Variants in MCM8 observed in about 807,000 individuals in gnomAD.
MCM8 encodes minichromosome maintenance 8 homologous recombination repair factor, also known as DNA helicase MCM8.
A neutral mutation model predicts 98.9 loss-of-function variants in MCM8; 85 were observed. The ratio of observed to expected loss-of-function variants is 0.86; its 90% CI spans 0.72 to 1.03. The LOEUF (loss-of-function observed/expected upper bound fraction) is 1.03. MCM8 is among the 50% of genes least tolerant of loss of function. The pLI is 0.00. For synonymous variants in MCM8, 352 were observed against 338.6 expected, an observed-to-expected ratio of 1.04 and a Z score of -0.44; for missense variants, 951 against 997.8, an observed-to-expected ratio of 0.95 and a Z score of 0.63.
chr20:5,983,664 C>T (rs964864338), intron 14 of MCM8, among the ~76,000 whole-genome samples: 1 of 152,066 alleles, frequency 6.6e-6, no homozygotes, highest in South Asian at 2.1e-4. Flanking sequence ...TGTGCCACCA[C>T]ACTCCAGCCT....
chr20:5,988,381 G>C (rs1420148658), intron 17 of MCM8, among the ~76,000 whole-genome samples: 1 of 151,998 alleles, frequency 6.6e-6, no homozygotes, highest in Non-Finnish European at 1.5e-5. Context: ...AGATTTGCTT[G>C]AACCTGGGAG....
At chr20:5,963,476 T>C (rs1354252117) in intron 8 of MCM8, 117 bp downstream of exon 8, 6 of 641,198 alleles carry the variant, frequency 9.4e-6, no homozygotes, top group Non-Finnish European at 1.6e-5. Flanking sequence ...TGTATAATAG[T>C]GTATAATAGA....
At chr20:5,987,408 C>T in intron 17 of MCM8, 50 bp downstream of exon 17, 1 of 1,490,894 alleles carries the variant, frequency 6.7e-7, no homozygotes, top group African/African-American at 1.4e-5. Context: ...GTTATCTTCC[C>T]ATCTCAAATT....
At chr20:5,976,861 A>G (rs1474524572) in intron 12 of MCM8, among the ~76,000 whole-genome samples, 2 of 152,184 alleles carry the variant, frequency 1.3e-5, no homozygotes, top group Non-Finnish European at 2.9e-5. Context: ...ACAAGGTGGG[A>G]TGATCACTTG....
chr20:5,982,955 C>T lies in MCM8; in HGVS notation c.1538-15C>T, dbSNP rs997943189. The T allele has an allele frequency of 5.0e-6, 8 of 1,596,616 alleles. No individual in the cohort carries two copies. The highest frequency in any genetic ancestry group is 6.8e-6 in the Non-Finnish European group (8 of 1,174,446). ...GAAAAAATGTTTTTTCTGCTTTATT[C>T]TACTTCGATTGTAGGTATTTGTGGA... On this transcript the variant is annotated splice_polypyrimidine_tract_variant and intron_variant, in intron 13 of 18. Coordinates refer to ENST00000610722, the MANE Select transcript of MCM8 (RefSeq NM_032485.6).
chr20:5,983,591 T>C (rs904768542), intron 14 of MCM8, among the ~76,000 whole-genome samples: 1 of 152,070 alleles, frequency 6.6e-6, no homozygotes, highest in Non-Finnish European at 1.5e-5. Flanking sequence ...TCTCAGCTAC[T>C]TGGGAGGCTG....
intron 5 of MCM8, among the ~76,000 whole-genome samples, chr20:5,955,791 T>C (rs1220788431): frequency 1.3e-5 from 2 of 152,180 alleles, no homozygotes; most frequent in Non-Finnish European, 2.9e-5. Flanking sequence ...TTTTTATTTA[T>C]TTTTTTGAGA....
chr20:5,958,807 C>T, intron 7 of MCM8, 81 bp downstream of exon 7: 1 of 1,245,534 alleles, frequency 8.0e-7, no homozygotes, highest in Non-Finnish European at 1.1e-6. Flanking sequence ...CCCAGTGTTT[C>T]TGAACACAGA....
At position 5,983,858 on chromosome 20, in the gene MCM8, C is replaced by T. The variant is rs149626739; in HGVS notation, c.1733+693C>T. The stretch of plus-strand genomic sequence containing the variant: ...CAGAAATAGTCATACAAGTGCACAA[C>T]GATAGGTTTATAGCATGGGTATTGC... On this transcript the variant is annotated intron_variant, in intron 14 of 18. Coordinates refer to ENST00000610722, the MANE Select transcript of MCM8 (RefSeq NM_032485.6). Among the ~76,000 whole-genome samples the T allele has an allele frequency of 3.5e-3, 531 of 152,282 alleles. 6 individuals carry two copies. The highest frequency in any genetic ancestry group is 0.012 in the African/African-American group (497 of 41,546).
At chr20:5,979,894 A>G (rs754356416) in intron 13 of MCM8, among the ~76,000 whole-genome samples, 1 of 152,160 alleles carries the variant, frequency 6.6e-6, no homozygotes, top group Non-Finnish European at 1.5e-5. Context: ...GCCCAGGGCC[A>G]TTCATGTTCT....
At chr20:5,958,873 G>A (rs1600247310) in intron 7 of MCM8, 147 bp downstream of exon 7, 1 of 751,912 alleles carries the variant, frequency 1.3e-6, no homozygotes, top group African/African-American at 1.8e-5. Flanking sequence ...AAATACTTCA[G>A]GGTAAGAAAA....
chr20:5,964,850 AAAAG>A (rs1473566472), intron 8 of MCM8, among the ~76,000 whole-genome samples: 1 of 152,224 alleles, frequency 6.6e-6, no homozygotes, highest in African/African-American at 2.4e-5. Context: ...ATTAAGTAAA[AAAAG>A]CTTTAATAAC....
chr20:5,995,045 CAT>C lies in MCM8; in HGVS notation c.*656_*657del, dbSNP rs1310653933. ...CTGCCTTTTATATGTATGAATATTT[CAT>C]AGTTTTGCATATCAGATGTAGGCAT... On this transcript the variant is annotated 3_prime_UTR_variant, in exon 19 of 19. Coordinates refer to ENST00000610722, the MANE Select transcript of MCM8 (RefSeq NM_032485.6). The C allele has an allele frequency of 1.2e-5, 2 of 163,858 alleles. No homozygotes were observed. The highest frequency in any genetic ancestry group is 4.8e-5 in the African/African-American group (2 of 41,558). 10.2% of individuals were successfully genotyped at this position (163,858 alleles called of 1,614,324 possible).
chr20:5,993,802 TCTC>T (rs1241162809), intron 18 of MCM8, 107 bp downstream of exon 18: 3 of 910,318 alleles, frequency 3.3e-6, no homozygotes, highest in Non-Finnish European at 3.2e-6. Flanking sequence ...ACCTGCTTCT[TCTC>T]AAAGGTTTTC....
At chr20:5,953,694 T>C (rs2088894496) in intron 3 of MCM8, among the ~76,000 whole-genome samples, 1 of 151,886 alleles carries the variant, frequency 6.6e-6, no homozygotes, top group Non-Finnish European at 1.5e-5. Flanking sequence ...AGGATGGTCT[T>C]GATCTCCTGA....
rs1194609624 is a variant in MCM8, at chr20:5,962,566, GGGTTTCACCT to G, written c.790-707_790-698del. Among the ~76,000 whole-genome samples the G allele has an allele frequency of 4.0e-5, 3 of 75,450 alleles. 1 individual carries two copies. Among genetic ancestry groups the G allele is most frequent in the Non-Finnish European group, 4.2e-5 (2 of 47,438 alleles). 49.5% of individuals were successfully genotyped at this position (75,450 alleles called of 152,430 possible). ...ATTTTTTGTATTTTTAGTAGAGACG[GGGTTTCACCT>G]TGTTAGCCAGGATGGTCTCGATCTC... is the stretch of plus-strand genomic sequence containing the variant. On this transcript the variant is annotated intron_variant, in intron 7 of 18. Coordinates refer to ENST00000610722, the MANE Select transcript of MCM8 (RefSeq NM_032485.6).
At position 5,958,625 on chromosome 20, in the gene MCM8, A is replaced by C. The variant is rs1367831531; in HGVS notation, c.688A>C (p.Asn230His). 2 of 1,614,190 alleles carry C rather than the reference A, an allele frequency of 1.2e-6. No homozygotes were observed. The part of the protein sequence containing the change: ...ALRGTVVRVS[N>H]IKPLCTKMAF... ...AAGAGGGACAGTGGTTCGTGTCAGTAATATAAAGCCTCTTTGCACCAAGAT... is the reference window on the plus strand; with the variant it reads ...AAGAGGGACAGTGGTTCGTGTCAGTCATATAAAGCCTCTTTGCACCAAGAT... Residue 230 changes from asparagine (N) to histidine (H), a missense_variant, in exon 7 of 19, where the codon AAT becomes CAT. Transcript: ENST00000610722.
In MCM8 at chr20:5,995,357, T is replaced by G. The variant is rs958815701; in HGVS notation, c.*966T>G. Reference sequence around the variant, plus strand: ...TTAGAAGGCAGGTGAACCAGGAGGGTAAGCTTCCAGCAGCAATTTGTAAAA... The same window carrying G: ...TTAGAAGGCAGGTGAACCAGGAGGGGAAGCTTCCAGCAGCAATTTGTAAAA... On this transcript the variant is annotated 3_prime_UTR_variant, in exon 19 of 19. Transcript: ENST00000610722. 6.6e-6 allele frequency: 1 copy of G among 152,196 alleles called. No homozygotes were observed. The highest frequency in any genetic ancestry group is 1.5e-5 in the Non-Finnish European group (1 of 68,080). The allele number at this position is 152,196 out of a possible 1,614,324, so 9.4% of individuals were successfully genotyped here. A position where few individuals can be genotyped will look rare whatever the true frequency, so the allele number is the denominator to read the frequency against.
intron 10 of MCM8, among the ~76,000 whole-genome samples, chr20:5,968,761 A>G (rs923095491): frequency 1.3e-5 from 2 of 152,260 alleles, no homozygotes; most frequent in Non-Finnish European, 2.9e-5. Context: ...AATATTTACT[A>G]TCTTATACAA....
Sources: gnomAD v4.1 joint callset for allele counts (sites outside exome capture counted in the v4.1 genomes callset) on GRCh38, gnomAD v4.1.1 for gene constraint, MANE v1.5 for transcripts, NCBI Gene and HGNC (gene_info 2026-07-23, HGNC 2026-07-21) for gene names.